GPD2: variants seen among roughly 807,000 people sequenced by gnomAD.
The protein encoded by GPD2 is glycerol-3-phosphate dehydrogenase 2.
GPD2 carries 54 observed loss-of-function variants against 82.4 expected under a neutral mutation model. That is an observed-to-expected ratio of 0.66 (90% CI 0.53 to 0.82). The LOEUF (loss-of-function observed/expected upper bound fraction) is 0.82, where lower values mean the gene tolerates loss of function less well. Ranked by LOEUF, GPD2 falls within the 40% of genes least tolerant of loss-of-function variation. GPD2 has a pLI of 0.00. For synonymous variants in GPD2, 288 were observed against 306.1 expected, an observed-to-expected ratio of 0.94 and a Z score of 0.62; for missense variants, 748 against 896.2, an observed-to-expected ratio of 0.83 and a Z score of 2.11.
intron 1 of GPD2, among the ~76,000 whole-genome samples, chr2:156,439,516 AAAAAAAAAAAAAAAAAAAAAAAAC>A (rs1348116158): frequency 4.3e-4 from 21 of 49,018 alleles, no homozygotes; most frequent in Middle Eastern, 6.3e-3. Flanking sequence ...TGTCTCAGAA[AAAAAAAAAAAAAAAAAAAAAAAAC>A]AAAAAAAAAA....
At chr2:156,484,662 AAGC>A (rs1683870364) in intron 2 of GPD2, among the ~76,000 whole-genome samples, 2 of 152,040 alleles carry the variant, frequency 1.3e-5, no homozygotes, top group Non-Finnish European at 2.9e-5. Flanking sequence ...CAACATGGCA[AAGC>A]CCCATCTCTA....
At chr2:156,432,229 AT>A (rs754610094), upstream of GPD2, among the ~76,000 whole-genome samples, 1 of 152,024 alleles carries the variant, frequency 6.6e-6, no homozygotes, top group East Asian at 1.9e-4. Flanking sequence ...AAACCTCTAC[AT>A]TTTGAAATTA....
chr2:156,425,089 A>ATTTTTTTTTT, the GPD2 span, among the ~76,000 whole-genome samples: 5 of 148,714 alleles, frequency 3.4e-5, no homozygotes, highest in Non-Finnish European at 3.0e-5. Flanking sequence ...TATTCATTTT[A>ATTTTTTTTTT]TTTTTTTTTT....
chr2:156,579,281 T>C (rs1232114136), intron 15 of GPD2, 117 bp downstream of exon 15: 18 of 691,422 alleles, frequency 2.6e-5, no homozygotes, highest in Non-Finnish European at 4.3e-5. Flanking sequence ...TTAAAAGATT[T>C]AGTAACATTA....
intron 15 of GPD2, 95 bp from the exon 16 acceptor site, chr2:156,579,595 G>A: frequency 1.4e-6 from 1 of 728,150 alleles, no homozygotes; most frequent in South Asian, 1.5e-5. Flanking sequence ...GCCTCCCAAA[G>A]TGCTGGGATT....
chr2:156,415,658 C>A, the GPD2 span, among the ~76,000 whole-genome samples: 1 of 151,870 alleles, frequency 6.6e-6, no homozygotes, highest in African/African-American at 2.4e-5. Context: ...GAGTTTGAGA[C>A]CAGCCTGACC....
At chr2:156,489,698 TC>T (rs1684084775) in intron 2 of GPD2, among the ~76,000 whole-genome samples, 1 of 105,906 alleles carries the variant, frequency 9.4e-6, no homozygotes, top group African/African-American at 3.9e-5. Flanking sequence ...CTTCCTTCCT[TC>T]CTTCCTTCCT....
At chr2:156,447,291 C>T (rs1328311052) in intron 1 of GPD2, among the ~76,000 whole-genome samples, 1 of 152,050 alleles carries the variant, frequency 6.6e-6, no homozygotes. Flanking sequence ...CCTTCCATTC[C>T]CTCCACAACT....
At chr2:156,489,975 G>A (rs902221907) in intron 2 of GPD2, among the ~76,000 whole-genome samples, 4 of 149,360 alleles carry the variant, frequency 2.7e-5, no homozygotes, top group African/African-American at 5.0e-5. Context: ...GCAGGGTTTC[G>A]GTCTCCCAGT....
intron 1 of GPD2, among the ~76,000 whole-genome samples, chr2:156,443,790 C>T (rs928658080): frequency 8.5e-5 from 13 of 152,178 alleles, no homozygotes; most frequent in African/African-American, 3.1e-4. Context: ...GCTTCCTTCT[C>T]TTCACCAATT....
In GPD2 at chr2:156,512,276, C is replaced by T. The variant is rs1385644062; in HGVS notation, c.456C>T (p.Pro152=). ...HERANLLEIA[P]HLSAPLPIML... ...GTGCCAACCTGCTAGAAATTGCTCC[C>T]CATTTATCAGCTCCATTGCCTATAA... The change falls in exon 5 of 17, where the codon CCC becomes CCT. Residue 152 remains proline, a synonymous_variant. Coordinates refer to ENST00000438166, the MANE Select transcript of GPD2 (RefSeq NM_000408.5). 1.2e-6 allele frequency: 2 copies of T among 1,604,638 alleles called. No homozygotes were observed. Among genetic ancestry groups the T allele is most frequent in the Middle Eastern group, 1.7e-4 (1 of 6,048 alleles).
At position 156,461,659 on chromosome 2, in the gene GPD2, C is replaced by T. The variant is rs1382584249; in HGVS notation, c.-8-14439C>T. Among the ~76,000 whole-genome samples, 3 of 152,360 alleles carry T rather than the reference C, an allele frequency of 2.0e-5. No individual in the cohort carries two copies. The South Asian group carries it at 6.2e-4, about 32-fold the overall frequency. On this transcript the variant is annotated intron_variant, in intron 1 of 16. Transcript: ENST00000438166. Reference sequence around the variant, plus strand: ...CCTCCCCAAGTGCTGGGATTACAGGCATGAGCCATCATGTCCAGCCTACCC... The same window carrying T: ...CCTCCCCAAGTGCTGGGATTACAGGTATGAGCCATCATGTCCAGCCTACCC...
chr2:156,409,194 C>T, the GPD2 span, among the ~76,000 whole-genome samples: 1 of 152,310 alleles, frequency 6.6e-6, no homozygotes, highest in East Asian at 1.9e-4. Context: ...CAATAAATTT[C>T]TAAGCCACAC....
intron 7 of GPD2, among the ~76,000 whole-genome samples, chr2:156,550,307 A>G (rs888365337): frequency 1.3e-5 from 2 of 152,174 alleles, no homozygotes; most frequent in African/African-American, 4.8e-5. Flanking sequence ...CGGCTTATTT[A>G]CTCATTCTAC....
rs576421069 is a variant in GPD2 at position 156,536,562 on chromosome 2, G to A, written c.662-13046G>A. Reference sequence around the variant, plus strand: ...TCACAGAATCTATTTACAGCTATACGTGACAGCACTTAACCTTGACTATGC... The same window carrying A: ...TCACAGAATCTATTTACAGCTATACATGACAGCACTTAACCTTGACTATGC... On this transcript the variant is annotated intron_variant, in intron 6 of 16. Coordinates refer to ENST00000438166, the MANE Select transcript of GPD2 (RefSeq NM_000408.5). Among the ~76,000 whole-genome samples the A allele has an allele frequency of 3.3e-5, 5 of 152,272 alleles. No homozygotes were observed. In the East Asian group the frequency reaches 5.8e-4, roughly 18 times the overall value.
At chr2:156,459,706 A>AG (rs975971551) in intron 1 of GPD2, among the ~76,000 whole-genome samples, 3 of 148,852 alleles carry the variant, frequency 2.0e-5, no homozygotes, top group Non-Finnish European at 4.5e-5. Flanking sequence ...AAAAAAAAAA[A>AG]AAAGAAAGAA....
Position 156,572,261 on chromosome 2 carries a change from C to T in GPD2, c.1767+969C>T, listed in dbSNP as rs369715220. Among the ~76,000 whole-genome samples, 290 of 152,248 alleles carry T rather than the reference C, an allele frequency of 1.9e-3. 2 individuals are homozygous for T. Among genetic ancestry groups the T allele is most frequent in the African/African-American group, 6.8e-3 (281 of 41,556 alleles). On this transcript the variant is annotated intron_variant, in intron 13 of 16. Transcript: ENST00000438166. ...CATACTTTATGCATTCTCTTATACC[C>T]TATCTAAATCCATCAGCAAATCATA... is the stretch of plus-strand genomic sequence containing the variant.
intron 6 of GPD2, among the ~76,000 whole-genome samples, chr2:156,538,477 T>TAA (rs35817705): frequency 1.4e-5 from 2 of 143,812 alleles, no homozygotes; most frequent in South Asian, 4.5e-4. Context: ...AGATTGCTGT[T>TAA]AAAAAAAAAA....
chr2:156,555,152 A>G (rs1157221962), intron 8 of GPD2, among the ~76,000 whole-genome samples: 1 of 152,224 alleles, frequency 6.6e-6, no homozygotes, highest in Non-Finnish European at 1.5e-5. Flanking sequence ...GATGAAAGAT[A>G]TTTCCAAGTG....
Sources: gnomAD v4.1 joint callset for allele counts (sites outside exome capture counted in the v4.1 genomes callset) on GRCh38, gnomAD v4.1.1 for gene constraint, MANE v1.5 for transcripts, NCBI Gene and HGNC (gene_info 2026-07-23, HGNC 2026-07-21) for gene names.